ZRANB3: variants seen among roughly 807,000 people sequenced by gnomAD.
The protein encoded by ZRANB3 is DNA annealing helicase and endonuclease ZRANB3.
A neutral mutation model predicts 133.8 loss-of-function variants in ZRANB3; 125 were observed. That is an observed-to-expected ratio of 0.93 (90% CI 0.81 to 1.08). The LOEUF (loss-of-function observed/expected upper bound fraction) is 1.08, where lower values mean the gene tolerates loss of function less well. Among genes scored for constraint, ZRANB3 ranks in the 50% least tolerant of loss-of-function variants. The pLI is 0.00. For synonymous variants in ZRANB3, 387 were observed against 432.7 expected (o/e 0.89, Z 1.31); for missense variants, 1,229 against 1,275.5 (o/e 0.96, Z 0.56).
At chr2:135,240,852 T>A (rs72980399) in intron 12 of ZRANB3, among the ~76,000 whole-genome samples, 6,765 of 152,218 alleles carry the variant, frequency 0.044, 510 homozygotes, top group African/African-American at 0.16. Context: ...AGTGGTGGAA[T>A]TACAGGCGTG....
Position 135,269,122 on chromosome 2 carries a change from G to A in ZRANB3, c.1226C>T (p.Ala409Val). ...AAGQGLTFTA[A>V]SHVVFAELYW... ...CAACTCAGCAAATACAACATGACTT[G>A]CTGCAGTAAATGTTAATCCCTAAGT... The change falls in exon 11 of 21, where the codon GCA becomes GTA. Residue 409 changes from alanine (A) to valine (V), a missense_variant. By Grantham distance (64) the Ala-to-Val change is moderately conservative (BLOSUM62 0). Transcript: ENST00000264159. The A allele has an allele frequency of 6.2e-7, 1 of 1,602,334 alleles. No individual in the cohort carries two copies. The highest frequency in any genetic ancestry group is 1.1e-5 in the South Asian group (1 of 88,034).
intron 3 of ZRANB3, among the ~76,000 whole-genome samples, chr2:135,379,485 A>G (rs947881292): frequency 3.3e-5 from 5 of 152,334 alleles, no homozygotes; most frequent in African/African-American, 1.2e-4. Flanking sequence ...GAGGTCAAAT[A>G]TCAGGTCCCG....
In ZRANB3 at chr2:135,275,734, T is replaced by C. The variant is rs1261134797; in HGVS notation, c.988A>G (p.Ile330Val). ...GAATCATTCTGAAGCATCATCTTAA[T>C]ATAATCCTTTACAGCACCTGCCTAA... ...IAKAGAVKDY[I>V]KMMLQNDSLK... The change falls in exon 9 of 21, where the codon ATT (isoleucine) becomes GTT (valine). Residue 330 changes from isoleucine to valine, a missense_variant. Physicochemically the swap from Ile to Val is conservative, Grantham distance 29 (BLOSUM62 3). Transcript: ENST00000264159. The C allele has an allele frequency of 2.5e-6, 4 of 1,588,802 alleles. No individual in the cohort carries two copies. Among genetic ancestry groups the C allele is most frequent in the Admixed American group, 1.7e-5 (1 of 57,736 alleles).
At chr2:135,515,979 A>G (rs1408711368) in intron 1 of ZRANB3, among the ~76,000 whole-genome samples, 2 of 152,170 alleles carry the variant, frequency 1.3e-5, no homozygotes, top group African/African-American at 4.8e-5. Context: ...GGGTGCATAT[A>G]TATTTAAAAC....
At chr2:135,219,234 T>C in intron 15 of ZRANB3, 56 bp from the exon 16 acceptor site, 2 of 1,103,998 alleles carry the variant, frequency 1.8e-6, no homozygotes, top group South Asian at 3.3e-5. Context: ...CACTAGTAAC[T>C]ATTTTAAATG....
intron 3 of ZRANB3, among the ~76,000 whole-genome samples, chr2:135,384,523 T>G (rs1010003624): frequency 1.3e-5 from 2 of 152,166 alleles, no homozygotes; most frequent in African/African-American, 4.8e-5. Flanking sequence ...TACCAAAGCG[T>G]GGCAGAGACA....
chr2:135,288,778 T>C (rs1215569981), intron 8 of ZRANB3, among the ~76,000 whole-genome samples: 1 of 152,138 alleles, frequency 6.6e-6, no homozygotes, highest in African/African-American at 2.4e-5. Context: ...TAATTGAGCC[T>C]ACTTGGATCT....
chr2:135,425,178 C>A (rs1244788353), intron 2 of ZRANB3, among the ~76,000 whole-genome samples: 2 of 152,008 alleles, frequency 1.3e-5, no homozygotes, highest in African/African-American at 4.8e-5. Flanking sequence ...ATTTTTCATG[C>A]AATATTAGCT....
intron 12 of ZRANB3, among the ~76,000 whole-genome samples, chr2:135,258,543 T>C (rs1558867815): frequency 6.6e-6 from 1 of 152,218 alleles, no homozygotes; most frequent in Non-Finnish European, 1.5e-5. Flanking sequence ...CTTCTCACCC[T>C]ACAATGTATC....
intron 6 of ZRANB3, among the ~76,000 whole-genome samples, chr2:135,344,606 G>A (rs556263960): frequency 2.0e-5 from 3 of 152,036 alleles, no homozygotes; most frequent in Non-Finnish European, 4.4e-5. Flanking sequence ...GCATGGTTGC[G>A]CATGCCTGTA....
At chr2:135,526,157 A>ATTTTT (rs993714638) in intron 1 of ZRANB3, among the ~76,000 whole-genome samples, 34 of 108,076 alleles carry the variant, frequency 3.1e-4, no homozygotes, top group East Asian at 1.1e-3. Context: ...CTAAGCTATG[A>ATTTTT]TTTTTTTTTT....
intron 12 of ZRANB3, among the ~76,000 whole-genome samples, chr2:135,236,255 A>G (rs1279521647): frequency 6.6e-6 from 1 of 152,136 alleles, no homozygotes; most frequent in African/African-American, 2.4e-5. Context: ...CTCTTCAAGG[A>G]GAACTACAAA....
At chr2:135,406,251 G>A (rs6430574) in intron 2 of ZRANB3, among the ~76,000 whole-genome samples, 28,941 of 151,756 alleles carry the variant, frequency 0.19, 3,697 homozygotes, top group African/African-American at 0.34. Flanking sequence ...TGACACATAC[G>A]CCCTCCCAAG....
intron 2 of ZRANB3, among the ~76,000 whole-genome samples, chr2:135,470,613 G>A (rs1691214010): frequency 6.7e-6 from 1 of 150,202 alleles, no homozygotes; most frequent in South Asian, 2.1e-4. Context: ...CTTGAATTCG[G>A]GAGGCGGAGG....
intron 2 of ZRANB3, among the ~76,000 whole-genome samples, chr2:135,398,709 G>A (rs1358713865): frequency 6.6e-6 from 1 of 150,444 alleles, no homozygotes; most frequent in Non-Finnish European, 1.5e-5. Context: ...ATTTTTAGTA[G>A]AGACGGGGTT....
chr2:135,254,330 C>T (rs558823007), intron 12 of ZRANB3, among the ~76,000 whole-genome samples: 3 of 152,238 alleles, frequency 2.0e-5, no homozygotes, highest in African/African-American at 7.2e-5. Context: ...TCATATTTAT[C>T]GTATTGCATT....
intron 8 of ZRANB3, among the ~76,000 whole-genome samples, chr2:135,289,852 A>C (rs1681597164): frequency 6.6e-6 from 1 of 152,186 alleles, no homozygotes; most frequent in Non-Finnish European, 1.5e-5. Flanking sequence ...GTGGTGAGTC[A>C]AGACTCTGCC....
At chr2:135,272,235 C>G (rs1273115166) in intron 9 of ZRANB3, among the ~76,000 whole-genome samples, 1 of 152,020 alleles carries the variant, frequency 6.6e-6, no homozygotes, top group Non-Finnish European at 1.5e-5. Context: ...TAAATTGACA[C>G]GCAAACTTTA....
intron 2 of ZRANB3, among the ~76,000 whole-genome samples, chr2:135,431,279 G>A (rs72986410): frequency 0.069 from 10,458 of 151,220 alleles, 754 homozygotes; most frequent in African/African-American, 0.19. Context: ...ATGATACAGT[G>A]AAACCCTGTC....
Sources: gnomAD v4.1 joint callset for allele counts (sites outside exome capture counted in the v4.1 genomes callset) on GRCh38, gnomAD v4.1.1 for gene constraint, MANE v1.5 for transcripts, NCBI Gene and HGNC (gene_info 2026-07-23, HGNC 2026-07-21) for gene names.